The following PRKAG2 variants were observed in gnomAD, a reference collection of about 807,000 sequenced individuals.
PRKAG2 encodes the protein 5'-AMP-activated protein kinase subunit gamma-2.
In PRKAG2, 26 loss-of-function variants were observed where a neutral mutation model predicts 69.6. The observed-to-expected ratio is 0.37, with a 90% CI of 0.27 to 0.52. The LOEUF (loss-of-function observed/expected upper bound fraction) is 0.52. Among genes scored for constraint, PRKAG2 ranks in the 20% least tolerant of loss-of-function variants. The pLI is 0.90. For synonymous variants in PRKAG2, 293 were observed against 285.0 expected (o/e 1.03, Z -0.28); for missense variants, 557 against 740.0 (o/e 0.75, Z 2.87).
In PRKAG2 at chr7:151,827,757, A is replaced by AAAAAAC. The variant is rs1554614003; in HGVS notation, c.115-41217_115-41216insGTTTTT. On this transcript the variant is annotated intron_variant, in intron 1 of 15. Coordinates refer to ENST00000287878, the MANE Select transcript of PRKAG2 (RefSeq NM_016203.4). ...AGGTGGCCTTAGGTAAAAAAAAAAA[A>AAAAAAC]AAAAAAAAAAAAAAAAACTGCCTTG... Among the ~76,000 whole-genome samples, 871 of 147,906 alleles carry AAAAAAC rather than the reference A, an allele frequency of 5.9e-3. 20 individuals are homozygous for AAAAAAC. Among genetic ancestry groups the AAAAAAC allele is most frequent in the Non-Finnish European group, 7.9e-3 (523 of 66,600 alleles).
At chr7:151,794,313 G>T (rs1022339347) in intron 1 of PRKAG2, among the ~76,000 whole-genome samples, 1 of 152,250 alleles carries the variant, frequency 6.6e-6, no homozygotes, top group Non-Finnish European at 1.5e-5. Flanking sequence ...CCCTGGCCCG[G>T]AGTGCCCAGG....
At chr7:151,720,045 C>T (rs1796801193) in intron 3 of PRKAG2, among the ~76,000 whole-genome samples, 1 of 152,200 alleles carries the variant, frequency 6.6e-6, no homozygotes. Flanking sequence ...CAGGGTGAGG[C>T]CTGGCCACTA....
intron 3 of PRKAG2, among the ~76,000 whole-genome samples, chr7:151,744,453 G>A (rs778327603): frequency 8.3e-4 from 126 of 152,312 alleles, no homozygotes; most frequent in Middle Eastern, 3.4e-3. Context: ...TCTGAGAGCC[G>A]AGGGCGTCAT....
intron 3 of PRKAG2, among the ~76,000 whole-genome samples, chr7:151,743,307 G>A (rs950670753): frequency 6.6e-5 from 10 of 152,176 alleles, no homozygotes; most frequent in African/African-American, 2.4e-4. Context: ...CCTGGCACGG[G>A]ACCAGGTAAT....
intron 1 of PRKAG2, among the ~76,000 whole-genome samples, chr7:151,832,468 G>T (rs1194986214): frequency 6.6e-6 from 1 of 152,068 alleles, no homozygotes; most frequent in African/African-American, 2.4e-5. Flanking sequence ...GGCGTGGGAG[G>T]CTGTCAGAGG....
At chr7:151,557,754 C>T (rs912430022) in intron 15 of PRKAG2, 1 of 497,622 alleles carries the variant, frequency 2.0e-6, no homozygotes, top group South Asian at 8.8e-5. Context: ...CCTGTAATCC[C>T]AGCTACTTGG....
At chr7:151,854,999 G>GCT in intron 1 of PRKAG2, among the ~76,000 whole-genome samples, 1 of 18,310 alleles carries the variant, frequency 5.5e-5, no homozygotes. Context: ...CACACACCAT[G>GCT]CTCCACACAC....
At chr7:151,795,993 G>T (rs1211756063) in intron 1 of PRKAG2, among the ~76,000 whole-genome samples, 1 of 145,874 alleles carries the variant, frequency 6.9e-6, no homozygotes, top group African/African-American at 2.5e-5. Context: ...TGTATATTAA[G>T]GAGATATAAT....
At chr7:151,816,335 T>G (rs1480060044) in intron 1 of PRKAG2, among the ~76,000 whole-genome samples, 3 of 151,300 alleles carry the variant, frequency 2.0e-5, no homozygotes, top group African/African-American at 4.9e-5. Flanking sequence ...TGTTTTTTGT[T>G]TTTTTTTTGT....
intron 1 of PRKAG2, among the ~76,000 whole-genome samples, chr7:151,823,767 TG>T (rs1395999994): frequency 2.0e-5 from 3 of 152,094 alleles, no homozygotes; most frequent in African/African-American, 7.2e-5. Flanking sequence ...TCCTGGTGGA[TG>T]GGGGCTGGAA....
chr7:151,637,847 C>T (rs1825995635), intron 4 of PRKAG2, among the ~76,000 whole-genome samples: 1 of 152,020 alleles, frequency 6.6e-6, no homozygotes. Flanking sequence ...TGGTGGTCGT[C>T]GTTGCCCTTT....
chr7:151,698,884 C>A (rs1837179696), intron 3 of PRKAG2, among the ~76,000 whole-genome samples: 2 of 152,176 alleles, frequency 1.3e-5, no homozygotes, highest in African/African-American at 2.4e-5. Context: ...GCAGACCTAT[C>A]CAGATGCAAG....
At chr7:151,706,411 C>T (rs1838610852) in intron 3 of PRKAG2, among the ~76,000 whole-genome samples, 2 of 152,250 alleles carry the variant, frequency 1.3e-5, no homozygotes, top group Non-Finnish European at 2.9e-5. Flanking sequence ...TTCTCCAAGA[C>T]ATCCAACTCA....
intron 1 of PRKAG2, among the ~76,000 whole-genome samples, chr7:151,787,183 T>C (rs963987030): frequency 1.3e-5 from 2 of 152,210 alleles, no homozygotes; most frequent in African/African-American, 4.8e-5. Context: ...AACCTTTCTT[T>C]TTCATTTTAA....
chr7:151,613,659 G>A (rs1042074122), intron 5 of PRKAG2, among the ~76,000 whole-genome samples: 27 of 151,590 alleles, frequency 1.8e-4, no homozygotes, highest in Non-Finnish European at 2.9e-4. Context: ...CACCACGCCT[G>A]GCTAATTTTT....
rs1837405088 is a variant in PRKAG2, at chr7:151,699,994, C to G, written c.467-24357G>C. ...AACAGGAGCCTTGTGTACCTGCCAA[C>G]ATTTTGCTGCATACAAGATTAATGA... On this transcript the variant is annotated intron_variant, in intron 3 of 15. Coordinates refer to ENST00000287878, the MANE Select transcript of PRKAG2 (RefSeq NM_016203.4). This position sits in a 1 kb window ranked among gnomAD's most constrained non-coding sequence, Gnocchi z 4.5. Among the ~76,000 whole-genome samples, 1 of 152,202 alleles carries G rather than the reference C, an allele frequency of 6.6e-6. No homozygotes were observed. Among genetic ancestry groups the G allele is most frequent in the African/African-American group, 2.4e-5 (1 of 41,462 alleles).
At chr7:151,768,839 A>G (rs560805875) in intron 3 of PRKAG2, among the ~76,000 whole-genome samples, 4 of 152,316 alleles carry the variant, frequency 2.6e-5, no homozygotes, top group Admixed American at 2.6e-4. Context: ...GGACAAGGAC[A>G]GCCCGTGCCT....
chr7:151,827,124 T>C (rs1165688730), intron 1 of PRKAG2, among the ~76,000 whole-genome samples: 1 of 152,230 alleles, frequency 6.6e-6, no homozygotes, highest in Non-Finnish European at 1.5e-5. Context: ...ACAGAAATCA[T>C]CTCTGGAGTT....
intron 1 of PRKAG2, among the ~76,000 whole-genome samples, chr7:151,864,534 C>T (rs1047235883): frequency 6.6e-6 from 1 of 152,222 alleles, no homozygotes; most frequent in Non-Finnish European, 1.5e-5. Context: ...AGGTTGGTAT[C>T]GCTGCCCAGC....
Sources: allele counts gnomAD v4.1 joint callset (sites outside exome capture counted in the v4.1 genomes callset), GRCh38; gene constraint gnomAD v4.1.1; non-coding constraint Gnocchi (gnomAD v3.1); transcripts MANE v1.5; gene names NCBI Gene and HGNC (gene_info 2026-07-23, HGNC 2026-07-21).